Variants in ELOVL7 observed in about 807,000 individuals in gnomAD.
ELOVL7 encodes the protein very long chain fatty acid elongase 7.
Under a neutral mutation model 35.7 loss-of-function variants are expected in ELOVL7, and 27 were observed. The observed-to-expected ratio is 0.76, with a 90% CI of 0.56 to 1.04. The LOEUF is 1.04. ELOVL7 is among the 50% of genes least tolerant of loss of function. The pLI is 0.00. For missense variants in ELOVL7, 327 were observed against 340.8 expected, an observed-to-expected ratio of 0.96 and a Z score of 0.32; for synonymous variants, 113 against 114.6, an observed-to-expected ratio of 0.99 and a Z score of 0.09.
intron 1 of ELOVL7, among the ~76,000 whole-genome samples, chr5:60,824,483 A>G (rs1471794145): frequency 1.3e-5 from 2 of 152,236 alleles, no homozygotes; most frequent in African/African-American, 4.8e-5. Flanking sequence ...GATGTTCAAA[A>G]AAGGAGAGTT....
chr5:60,788,493 G>A (rs566025634), intron 2 of ELOVL7, among the ~76,000 whole-genome samples: 6 of 152,176 alleles, frequency 3.9e-5, no homozygotes, highest in Non-Finnish European at 8.8e-5. Context: ...TTTAAAAATT[G>A]GCCGGGTGCA....
At chr5:60,807,865 G>C (rs920226690) in intron 1 of ELOVL7, among the ~76,000 whole-genome samples, 4 of 151,708 alleles carry the variant, frequency 2.6e-5, no homozygotes, top group Admixed American at 2.0e-4. Context: ...CGGGCATGGT[G>C]GTGGGCACCT....
intron 1 of ELOVL7, among the ~76,000 whole-genome samples, chr5:60,806,323 A>G (rs1000922899): frequency 6.6e-6 from 1 of 152,234 alleles, no homozygotes; most frequent in African/African-American, 2.4e-5. Context: ...AATACACCAA[A>G]GTGAAGATGT....
intron 3 of ELOVL7, among the ~76,000 whole-genome samples, chr5:60,774,764 C>CTTT (rs1441731287): frequency 9.3e-4 from 127 of 136,712 alleles, no homozygotes; most frequent in South Asian, 4.7e-3. Context: ...ATAAAACTCT[C>CTTT]TTTTTTTTTT....
intron 3 of ELOVL7, among the ~76,000 whole-genome samples, chr5:60,772,773 G>A (rs1742675993): frequency 6.6e-6 from 1 of 152,142 alleles, no homozygotes. Flanking sequence ...CTGGAAGAGA[G>A]AACACCCAGC....
intron 3 of ELOVL7, among the ~76,000 whole-genome samples, chr5:60,781,082 C>T (rs567491157): frequency 5.9e-5 from 9 of 151,972 alleles, no homozygotes; most frequent in East Asian, 1.9e-4. Context: ...TAGTGGCGCA[C>T]GCCTGTAATC....
intron 1 of ELOVL7, among the ~76,000 whole-genome samples, chr5:60,808,115 AAC>A (rs1347846600): frequency 6.6e-6 from 1 of 152,008 alleles, no homozygotes; most frequent in Non-Finnish European, 1.5e-5. Flanking sequence ...AACAGCCAGA[AAC>A]AGAGTATTCA....
intron 2 of ELOVL7, among the ~76,000 whole-genome samples, chr5:60,793,148 G>C (rs1744041212): frequency 1.3e-5 from 2 of 152,168 alleles, no homozygotes; most frequent in Non-Finnish European, 2.9e-5. Context: ...TTGGTGTTCA[G>C]ATTGTTTTTG....
chr5:60,789,622 C>T (rs1378525919), intron 2 of ELOVL7, among the ~76,000 whole-genome samples: 1 of 152,122 alleles, frequency 6.6e-6, no homozygotes, highest in Non-Finnish European at 1.5e-5. Context: ...GAAACTTATC[C>T]TGTAGAAATA....
intron 2 of ELOVL7, 26 bp downstream of exon 2, chr5:60,799,154 C>G (rs1446061935): frequency 6.6e-6 from 1 of 151,798 alleles, no homozygotes; most frequent in African/African-American, 2.4e-5. Context: ...AATATTGAGA[C>G]AAATGAAAAT....
intron 4 of ELOVL7, among the ~76,000 whole-genome samples, chr5:60,771,310 ATC>A (rs1471726942): frequency 6.6e-6 from 1 of 152,204 alleles, no homozygotes; most frequent in Non-Finnish European, 1.5e-5. Context: ...GAAGAGCCCC[ATC>A]TCTCTTATTA....
chr5:60,842,879 C>T (rs1044523110), intron 1 of ELOVL7, among the ~76,000 whole-genome samples: 1 of 148,738 alleles, frequency 6.7e-6, no homozygotes, highest in Non-Finnish European at 1.5e-5. Flanking sequence ...GTGCCTGGCA[C>T]CTAAGCACTG....
chr5:60,782,429 T>C (rs955244857), intron 3 of ELOVL7, among the ~76,000 whole-genome samples: 2 of 152,232 alleles, frequency 1.3e-5, no homozygotes, highest in Non-Finnish European at 2.9e-5. Flanking sequence ...AATCAGCATA[T>C]TGAAGGGATA....
intron 6 of ELOVL7, among the ~76,000 whole-genome samples, chr5:60,765,284 A>G (rs1742167824): frequency 6.6e-6 from 1 of 152,240 alleles, no homozygotes; most frequent in African/African-American, 2.4e-5. Flanking sequence ...AGTCCCACTT[A>G]GTAGCAGCAT....
chr5:60,822,787 G>A (rs937426061), intron 1 of ELOVL7, among the ~76,000 whole-genome samples: 20 of 152,230 alleles, frequency 1.3e-4, no homozygotes, highest in Admixed American at 2.0e-4. Flanking sequence ...AAAAAGACAT[G>A]AGGAGAACTC....
intron 1 of ELOVL7, among the ~76,000 whole-genome samples, chr5:60,837,251 G>A (rs1746855629): frequency 7.0e-6 from 1 of 143,346 alleles, no homozygotes; most frequent in Non-Finnish European, 1.5e-5. Flanking sequence ...TGGCCACCAC[G>A]GTGAAACCCC....
At chr5:60,801,538 C>T (rs1744613886) in intron 1 of ELOVL7, among the ~76,000 whole-genome samples, 1 of 151,680 alleles carries the variant, frequency 6.6e-6, no homozygotes, top group Admixed American at 6.6e-5. Flanking sequence ...TCCATCTCTA[C>T]AAAAAAATTA....
At chr5:60,834,780 G>C (rs1463180277) in intron 1 of ELOVL7, among the ~76,000 whole-genome samples, 1 of 151,950 alleles carries the variant, frequency 6.6e-6, no homozygotes, top group African/African-American at 2.4e-5. Flanking sequence ...GACTAGTTTT[G>C]GTTAGTTGAT....
At chr5:60,784,290 A>G (rs1385982239) in intron 3 of ELOVL7, 1 of 484,410 alleles carries the variant, frequency 2.1e-6, no homozygotes, top group Non-Finnish European at 3.6e-6. Flanking sequence ...TCTTACTCAT[A>G]CTCCATCTTC....
Sources: gnomAD v4.1 joint callset for allele counts (sites outside exome capture counted in the v4.1 genomes callset) on GRCh38, gnomAD v4.1.1 for gene constraint, MANE v1.5 for transcripts, NCBI Gene and HGNC (gene_info 2026-07-23, HGNC 2026-07-21) for gene names.